CASD1: variants seen among roughly 807,000 people sequenced by gnomAD.
CASD1 encodes N-acetylneuraminate (7)9-O-acetyltransferase.
A neutral mutation model predicts 100.0 loss-of-function variants in CASD1; 41 were observed. That is an observed-to-expected ratio of 0.41 (90% CI 0.32 to 0.53). CASD1 has a LOEUF of 0.53. CASD1 is among the 20% of genes least tolerant of loss of function. CASD1 has a pLI of 0.25. For synonymous variants in CASD1, 321 were observed against 315.6 expected (o/e 1.02, Z -0.18); for missense variants, 774 against 948.7 (o/e 0.82, Z 2.42).
At chr7:94,546,954 T>A (rs1795710023) in intron 12 of CASD1, 142 bp from the exon 13 acceptor site, 1 of 492,970 alleles carries the variant, frequency 2.0e-6, no homozygotes, top group Non-Finnish European at 3.4e-6. Context: ...TTATACTAAC[T>A]GGATATATTT....
the CASD1 span, among the ~76,000 whole-genome samples, chr7:94,630,313 C>G: frequency 6.6e-6 from 1 of 151,740 alleles, no homozygotes. Context: ...CTAGACAAAG[C>G]ATGTCAGACT....
chr7:94,544,637 T>C (rs933859365), intron 11 of CASD1, 107 bp downstream of exon 11: 7 of 1,170,988 alleles, frequency 6.0e-6, no homozygotes, highest in Non-Finnish European at 8.1e-6. Flanking sequence ...ACTGAATAAT[T>C]TGAATTTATG....
the CASD1 span, among the ~76,000 whole-genome samples, chr7:94,613,151 A>G: frequency 2.6e-5 from 4 of 152,226 alleles, no homozygotes; most frequent in Non-Finnish European, 5.9e-5. Flanking sequence ...CATGCTCAGA[A>G]GCAGGAGATA....
the CASD1 span, among the ~76,000 whole-genome samples, chr7:94,585,984 T>G: frequency 7.4e-6 from 1 of 135,518 alleles, no homozygotes; most frequent in Non-Finnish European, 1.5e-5. Flanking sequence ...AGTGCTCAAG[T>G]CCAGGAACAC....
the CASD1 span, among the ~76,000 whole-genome samples, chr7:94,612,586 A>G: frequency 6.6e-6 from 1 of 152,152 alleles, no homozygotes; most frequent in South Asian, 2.1e-4. Flanking sequence ...CAATTTTTTG[A>G]AGTTATAAAT....
chr7:94,526,630 A>G (rs536081942), intron 3 of CASD1, among the ~76,000 whole-genome samples: 58 of 152,200 alleles, frequency 3.8e-4, no homozygotes, highest in African/African-American at 1.3e-3. Flanking sequence ...GCTACAAAAA[A>G]TTTTTTTAAA....
intron 7 of CASD1, 101 bp from the exon 8 acceptor site, chr7:94,535,208 A>T: frequency 2.4e-6 from 2 of 846,366 alleles, no homozygotes; most frequent in East Asian, 2.5e-5. Context: ...CTATACTTTT[A>T]AAAATAACAT....
At chr7:94,612,713 A>G in the CASD1 span, among the ~76,000 whole-genome samples, 5 of 152,134 alleles carry the variant, frequency 3.3e-5, no homozygotes, top group African/African-American at 1.2e-4. Context: ...TTTCATCTCT[A>G]CTTGGATGAT....
At chr7:94,558,896 T>C (rs555857866), downstream of CASD1, among the ~76,000 whole-genome samples, 2 of 151,920 alleles carry the variant, frequency 1.3e-5, no homozygotes, top group Non-Finnish European at 2.9e-5. Context: ...GCCTCCTGGG[T>C]TCAAGCAATT....
At chr7:94,575,779 C>A in the CASD1 span, among the ~76,000 whole-genome samples, 2 of 151,922 alleles carry the variant, frequency 1.3e-5, no homozygotes, top group Admixed American at 6.6e-5. Flanking sequence ...GATTTTTTCT[C>A]CCAAGGACTT....
At chr7:94,510,462 G>A (rs1461021003) in intron 1 of CASD1, among the ~76,000 whole-genome samples, 2 of 152,220 alleles carry the variant, frequency 1.3e-5, no homozygotes, top group Admixed American at 6.5e-5. Context: ...CCCGCGCTGG[G>A]GTCGGGGGCG....
At chr7:94,551,264 C>T (rs561168852) in intron 14 of CASD1, 74 bp from the exon 15 acceptor site, 4 of 1,220,220 alleles carry the variant, frequency 3.3e-6, no homozygotes, top group Middle Eastern at 2.0e-4. Flanking sequence ...TCATATATTC[C>T]TCACTAACCA....
At chr7:94,599,307 G>C in the CASD1 span, 1 of 285,990 alleles carries the variant, frequency 3.5e-6, no homozygotes, top group East Asian at 7.4e-5. Flanking sequence ...GCTTCTGGTG[G>C]GGCATTTATA....
chr7:94,565,560 A>G, the CASD1 span, among the ~76,000 whole-genome samples: 2 of 152,092 alleles, frequency 1.3e-5, no homozygotes, highest in East Asian at 3.9e-4. Flanking sequence ...GTTCCTCCCA[A>G]AACCTTCAAA....
At chr7:94,570,894 T>A in the CASD1 span, among the ~76,000 whole-genome samples, 4 of 152,344 alleles carry the variant, frequency 2.6e-5, no homozygotes, top group Non-Finnish European at 4.4e-5. Flanking sequence ...TTAACTTTAC[T>A]GGAGATCTTT....
chr7:94,555,602 T>C lies in CASD1; in HGVS notation c.2238T>C (p.Val746=). ...LNIIVSTFIF[V]CVAHEISQIT... ...TCATTGTCAGCACTTTCATATTTGT[T>C]TGTGTGGCACATGAAATTTCTCAGA... Residue 746 remains valine (V), a synonymous_variant, in exon 18 of 18, where the codon GTT becomes GTC. Coordinates refer to ENST00000297273, the MANE Select transcript of CASD1 (RefSeq NM_022900.5). 2.5e-6 allele frequency: 4 copies of C among 1,613,606 alleles called. No homozygotes were observed. The highest frequency in any genetic ancestry group is 3.4e-6 in the Non-Finnish European group (4 of 1,179,692).
chr7:94,565,950 C>G, the CASD1 span, among the ~76,000 whole-genome samples: 1 of 152,100 alleles, frequency 6.6e-6, no homozygotes, highest in African/African-American at 2.4e-5. Flanking sequence ...AAAGTCTTGG[C>G]TAGGATGATG....
intron 10 of CASD1, among the ~76,000 whole-genome samples, chr7:94,542,671 G>C (rs1795471852): frequency 6.6e-6 from 1 of 152,106 alleles, no homozygotes; most frequent in Non-Finnish European, 1.5e-5. Context: ...AGCAGTTAAT[G>C]ACCATCTAAA....
the CASD1 span, chr7:94,599,467 A>G: frequency 1.9e-6 from 1 of 526,306 alleles, no homozygotes; most frequent in Non-Finnish European, 3.4e-6. Context: ...CTGAATCTGA[A>G]ATATTTTAGG....
Sources: allele counts gnomAD v4.1 joint callset (sites outside exome capture counted in the v4.1 genomes callset), GRCh38; gene constraint gnomAD v4.1.1; transcripts MANE v1.5; gene names NCBI Gene and HGNC (gene_info 2026-07-23, HGNC 2026-07-21).